OLFM1: variants seen among roughly 807,000 people sequenced by gnomAD.
OLFM1 encodes the protein olfactomedin 1, also known as noelin.
In OLFM1, 9 loss-of-function variants were observed where a neutral mutation model predicts 49.7. That is an observed-to-expected ratio of 0.18 (90% CI 0.11 to 0.32). OLFM1 has a LOEUF of 0.32. OLFM1 is among the 10% of genes least tolerant of loss of function. OLFM1 has a pLI of 1.00. For missense variants in OLFM1, 369 were observed against 661.8 expected, an observed-to-expected ratio of 0.56 and a Z score of 4.85; for synonymous variants, 240 against 271.8, an observed-to-expected ratio of 0.88 and a Z score of 1.15.
chr9:135,090,229 T>C lies in OLFM1; in HGVS notation c.185T>C (p.Val62Ala). ...ACCAACCCTGAGGAGAGCTGGCAGG[T>C]GTACAGCTCTGCCCAGGACAGCGAG... The part of the protein sequence containing the change: ...LPTNPEESWQ[V>A]YSSAQDSEGR... The change falls in exon 2 of 6, where the codon GTG becomes GCG. Residue 62 changes from valine (V) to alanine (A), a missense_variant. By Grantham distance (64) the Val-to-Ala change is moderately conservative. Around this residue, in one of 3 missense-constraint regions of OLFM1, gnomAD observed 55 missense variants for 53.3 expected, o/e 1.03. Coordinates refer to ENST00000371793, the MANE Select transcript of OLFM1 (RefSeq NM_001282611.2). The C allele has an allele frequency of 6.2e-7, 1 of 1,613,458 alleles. No homozygotes were observed.
chr9:135,107,612 G>A (rs567663693), intron 5 of OLFM1, among the ~76,000 whole-genome samples: 34 of 152,344 alleles, frequency 2.2e-4, no homozygotes, highest in African/African-American at 7.7e-4. Context: ...GCTCTCGATG[G>A]GGGAGGGAAG....
intron 5 of OLFM1, among the ~76,000 whole-genome samples, chr9:135,112,236 G>A (rs1001648799): frequency 6.6e-6 from 1 of 152,222 alleles, no homozygotes; most frequent in Non-Finnish European, 1.5e-5. Flanking sequence ...TGGAAAGACG[G>A]CACCAGGGGC....
Position 135,117,679 on chromosome 9 carries a change from CT to C in OLFM1, c.784-1824del, listed in dbSNP as rs1232007269. On this transcript the variant is annotated intron_variant, in intron 5 of 5. Transcript: ENST00000371793. The surrounding 1 kb of genome is among the most constrained non-coding windows in gnomAD (Gnocchi z 5.5). Reference sequence around the variant, plus strand: ...ATGACCCCCACTATGGGCCAGGCCCCTGGCTAGGGGTATGGCAGTGAACAGA... The same window carrying C: ...ATGACCCCCACTATGGGCCAGGCCCCGGCTAGGGGTATGGCAGTGAACAGA... 6.6e-6 allele frequency among the ~76,000 whole-genome samples: 1 copy of C among 152,212 alleles called. No individual in the cohort carries two copies. The highest frequency in any genetic ancestry group is 2.4e-5 in the African/African-American group (1 of 41,458).
Position 135,119,833 on chromosome 9 carries a change from C to T in OLFM1, c.1113C>T (p.Asn371=). 6.2e-7 allele frequency: 1 copy of T among 1,613,844 alleles called. No homozygotes were observed. Among genetic ancestry groups the T allele is most frequent in the Non-Finnish European group, 8.5e-7 (1 of 1,180,036 alleles). ...ESGLWAVYAT[N]QNAGNIVVSR... The stretch of plus-strand genomic sequence containing the variant: ...GGCTGTGGGCCGTGTACGCCACCAA[C>T]CAGAACGCTGGCAACATCGTGGTCA... Residue 371 remains asparagine (N), a synonymous_variant, in exon 6 of 6, where the codon AAC becomes AAT. Coordinates refer to ENST00000371793, the MANE Select transcript of OLFM1 (RefSeq NM_001282611.2).
rs374373319 is a variant in OLFM1, at chr9:135,098,779, T to TTG, written c.676+289_676+290dup. Among the ~76,000 whole-genome samples, 19 of 151,562 alleles carry TTG rather than the reference T, an allele frequency of 1.3e-4. 1 individual carries two copies. In the East Asian group the frequency reaches 1.4e-3, roughly 11 times the overall value. On this transcript the variant is annotated intron_variant, in intron 4 of 5. Transcript: ENST00000371793. This position sits in a 1 kb window ranked among gnomAD's most constrained non-coding sequence, Gnocchi z 5.6. Reference sequence around the variant, plus strand: ...AAAAAATAGCATACCATCTGGCAGATTGTGTGTGTGTGTGTGAATCGTATG... The same window carrying TTG: ...AAAAAATAGCATACCATCTGGCAGATTGTGTGTGTGTGTGTGTGAATCGTATG...
intron 5 of OLFM1, among the ~76,000 whole-genome samples, chr9:135,107,638 T>A (rs890751203): frequency 6.6e-6 from 1 of 152,242 alleles, no homozygotes; most frequent in Non-Finnish European, 1.5e-5. Flanking sequence ...AGGGCTTCGC[T>A]GTCCCTTGAT....
chr9:135,090,171 C>T (rs999114128), intron 1 of OLFM1, 24 bp from the exon 2 acceptor site: 2 of 1,590,892 alleles, frequency 1.3e-6, no homozygotes, highest in Middle Eastern at 1.8e-4. Flanking sequence ...CTTCCCTCTC[C>T]CTTCCCGCCC....
At chr9:135,109,505 G>T (rs1830992517) in intron 5 of OLFM1, among the ~76,000 whole-genome samples, 1 of 152,142 alleles carries the variant, frequency 6.6e-6, no homozygotes, top group Non-Finnish European at 1.5e-5. Flanking sequence ...TGCTGGGGCT[G>T]GCAGAGGAGC....
At chr9:135,100,015 G>T (rs149682825) in intron 4 of OLFM1, among the ~76,000 whole-genome samples, 135 of 152,232 alleles carry the variant, frequency 8.9e-4, no homozygotes, top group African/African-American at 3.2e-3. Context: ...CCTCACCATT[G>T]CCCCTCTCTC....
intron 1 of OLFM1, chr9:135,075,930 C>T (rs1830458757): frequency 7.5e-7 from 1 of 1,331,056 alleles, no homozygotes; most frequent in Non-Finnish European, 9.7e-7. Flanking sequence ...GCCCGAAGTG[C>T]CGGGGTTGGG....
intron 2 of OLFM1, among the ~76,000 whole-genome samples, chr9:135,091,348 T>G (rs1830682359): frequency 6.6e-6 from 1 of 152,100 alleles, no homozygotes; most frequent in African/African-American, 2.4e-5. Context: ...AGAAGAAAGG[T>G]GCATTTGCAT....
At chr9:135,083,353 G>A (rs182212969), upstream of OLFM1, among the ~76,000 whole-genome samples, 75 of 152,314 alleles carry the variant, frequency 4.9e-4, no homozygotes, top group African/African-American at 1.4e-3. Flanking sequence ...TGAAAGAGGC[G>A]TGGAACCTGC....
At chr9:135,077,042 C>G in intron 1 of OLFM1, 1 of 1,533,144 alleles carries the variant, frequency 6.5e-7, no homozygotes, top group Non-Finnish European at 8.7e-7. Flanking sequence ...GCCAGTCCCT[C>G]CTGGAGAGGT....
chr9:135,094,647 A>G (rs149933282), intron 2 of OLFM1, among the ~76,000 whole-genome samples: 61 of 152,274 alleles, frequency 4.0e-4, no homozygotes, highest in African/African-American at 1.4e-3. Flanking sequence ...TGATAACAAG[A>G]TATGAAATTC....
chr9:135,112,309 G>C (rs1013842045), intron 5 of OLFM1, among the ~76,000 whole-genome samples: 2 of 152,262 alleles, frequency 1.3e-5, no homozygotes, highest in Non-Finnish European at 2.9e-5. Flanking sequence ...GGTCTCTGCT[G>C]TCTAAGGTCC....
Position 135,113,678 on chromosome 9 carries a change from G to C in OLFM1, c.784-5826G>C, listed in dbSNP as rs28694866. 0.21 allele frequency among the ~76,000 whole-genome samples: 32,142 copies of C among 152,148 alleles called. 3,505 individuals carry two copies. The highest frequency in any genetic ancestry group is 0.29 in the Middle Eastern group (85 of 294). On this transcript the variant is annotated intron_variant, in intron 5 of 5. Coordinates refer to ENST00000371793, the MANE Select transcript of OLFM1 (RefSeq NM_001282611.2). The surrounding 1 kb of genome is among the most constrained non-coding windows in gnomAD (Gnocchi z 4.0). ...CCTGGGAGGCCAGAAAGCTTTGGCA[G>C]ACCCACGGTGTGCCCTGAGCTGAGT... is the stretch of plus-strand genomic sequence containing the variant.
At position 135,104,186 on chromosome 9, in the gene OLFM1, C is replaced by G. The variant is rs78382118; in HGVS notation, c.677-2563C>G. 3.9e-3 allele frequency among the ~76,000 whole-genome samples: 600 copies of G among 152,156 alleles called. 3 individuals are homozygous for G. The highest frequency in any genetic ancestry group is 0.014 in the African/African-American group (576 of 41,502). Reference sequence around the variant, plus strand: ...GACCAGGCAAAGTGAAGGAAGGGCACGTCTTTAGGGCAGAGGTGTCAGTTT... The same window carrying G: ...GACCAGGCAAAGTGAAGGAAGGGCAGGTCTTTAGGGCAGAGGTGTCAGTTT... On this transcript the variant is annotated intron_variant, in intron 4 of 5. Transcript: ENST00000371793.
chr9:135,108,046 G>A (rs906403036), intron 5 of OLFM1, among the ~76,000 whole-genome samples: 3 of 152,186 alleles, frequency 2.0e-5, no homozygotes, highest in Non-Finnish European at 4.4e-5. Context: ...CCCCAGCCTC[G>A]CATGGGAGTG....
rs143728096 is a variant in OLFM1 at position 135,117,297 on chromosome 9, T to C, written c.784-2207T>C. ...GTTGCTTTCGACAACCAGAGGCTTC[T>C]TCAAAGCCCATATTCTTCTCGGAGA... On this transcript the variant is annotated intron_variant, in intron 5 of 5. Transcript: ENST00000371793. This position sits in a 1 kb window ranked among gnomAD's most constrained non-coding sequence, Gnocchi z 5.5. 9.8e-5 allele frequency among the ~76,000 whole-genome samples: 15 copies of C among 152,350 alleles called. No homozygotes were observed. The East Asian group carries it at 2.5e-3, about 25-fold the overall frequency.
Sources: gnomAD v4.1 joint callset for allele counts (sites outside exome capture counted in the v4.1 genomes callset) on GRCh38, gnomAD v4.1.1 for gene constraint, gnomAD v4.1.1 regional missense constraint, Gnocchi (gnomAD v3.1) non-coding constraint, MANE v1.5 for transcripts, NCBI Gene and HGNC (gene_info 2026-07-23, HGNC 2026-07-21) for gene names.